The following SRPK2 variants were observed in gnomAD, a reference collection of about 807,000 sequenced individuals.
The protein encoded by SRPK2 is SFRS protein kinase 2.
A neutral mutation model predicts 90.8 loss-of-function variants in SRPK2; 21 were observed. The observed-to-expected ratio is 0.23, with a 90% CI of 0.16 to 0.33. SRPK2 has a LOEUF of 0.33. Among genes scored for constraint, SRPK2 ranks in the 10% least tolerant of loss-of-function variants. The pLI, the probability that SRPK2 is intolerant of heterozygous loss-of-function variation, is 1.00. For synonymous variants in SRPK2, 288 were observed against 311.1 expected, an observed-to-expected ratio of 0.93 and a Z score of 0.78; for missense variants, 620 against 869.0, an observed-to-expected ratio of 0.71 and a Z score of 3.60.
At position 105,387,595 on chromosome 7, in the gene SRPK2, A is replaced by G. The variant is rs374909203; in HGVS notation, c.71+1053T>C. 8.1e-4 allele frequency among the ~76,000 whole-genome samples: 123 copies of G among 151,992 alleles called. 2 individuals are homozygous for G. The South Asian group carries it at 0.025, about 31-fold the overall frequency. ...ACCAAGGCCAACGAGAAGGGGAAAA[A>G]AGTGAGCGTGCTGCGACGTACCCCT... is the stretch of plus-strand genomic sequence containing the variant. On this transcript the variant is annotated intron_variant, in intron 2 of 15. Coordinates refer to ENST00000393651, the MANE Select transcript of SRPK2 (RefSeq NM_182692.3).
chr7:105,199,021 G>A (rs1317652157), intron 3 of SRPK2, among the ~76,000 whole-genome samples: 1 of 152,144 alleles, frequency 6.6e-6, no homozygotes, highest in Non-Finnish European at 1.5e-5. Context: ...AAGTACACAA[G>A]AGCAATGAAC....
At chr7:105,228,546 C>T (rs1204234603) in intron 2 of SRPK2, among the ~76,000 whole-genome samples, 3 of 152,138 alleles carry the variant, frequency 2.0e-5, no homozygotes, top group Admixed American at 2.0e-4. Context: ...TGGAGACGGG[C>T]GCAGTGGCTC....
intron 4 of SRPK2, 133 bp from the exon 5 acceptor site, chr7:105,168,228 G>C (rs1033764970): frequency 3.0e-6 from 2 of 662,654 alleles, no homozygotes; most frequent in Admixed American, 6.0e-5. Context: ...CATTATGAGT[G>C]TGTCAACACG....
At chr7:105,267,362 T>C (rs1585443170) in intron 2 of SRPK2, among the ~76,000 whole-genome samples, 1 of 152,190 alleles carries the variant, frequency 6.6e-6, no homozygotes, top group African/African-American at 2.4e-5. Context: ...GTGCTCTTCC[T>C]AGTACCAAAC....
intron 2 of SRPK2, among the ~76,000 whole-genome samples, chr7:105,219,572 A>G (rs1420664596): frequency 1.3e-5 from 2 of 152,232 alleles, no homozygotes; most frequent in African/African-American, 4.8e-5. Flanking sequence ...TTTACTAAGT[A>G]TGACGTTAGC....
intron 2 of SRPK2, among the ~76,000 whole-genome samples, chr7:105,384,060 G>C (rs374194976): frequency 6.6e-6 from 1 of 151,996 alleles, no homozygotes; most frequent in African/African-American, 2.4e-5. Context: ...TTAATGAATA[G>C]ACTAAAAATC....
intron 2 of SRPK2, among the ~76,000 whole-genome samples, chr7:105,286,797 G>C (rs1006828540): frequency 5.9e-5 from 9 of 152,140 alleles, no homozygotes; most frequent in African/African-American, 2.2e-4. Context: ...AAGAATGCTG[G>C]CTATGTATGC....
At chr7:105,150,472 T>C (rs767125518) in intron 7 of SRPK2, among the ~76,000 whole-genome samples, 1 of 152,154 alleles carries the variant, frequency 6.6e-6, no homozygotes, top group Non-Finnish European at 1.5e-5. Context: ...GCTGAGATCA[T>C]GGCACTGCAC....
At chr7:105,311,310 G>C (rs1419865864) in intron 2 of SRPK2, among the ~76,000 whole-genome samples, 1 of 152,062 alleles carries the variant, frequency 6.6e-6, no homozygotes, top group Non-Finnish European at 1.5e-5. Flanking sequence ...TGGACTTACT[G>C]CAACTTCCAC....
At position 105,298,885 on chromosome 7, in the gene SRPK2, G is replaced by A. The variant is rs939862312; in HGVS notation, c.71+89763C>T. 37 of 682,954 alleles carry A rather than the reference G, an allele frequency of 5.4e-5. No homozygotes were observed. In the African/African-American group the frequency reaches 6.0e-4, roughly 11 times the overall value. 42.3% of individuals were successfully genotyped at this position (682,954 alleles called of 1,614,324 possible). A position where few individuals can be genotyped will look rare whatever the true frequency, so the allele number is the denominator to read the frequency against. On this transcript the variant is annotated intron_variant, in intron 2 of 15. Transcript: ENST00000393651. ...TTCCAGGGAGACAATGTAGGCCAAC[G>A]CCTCATACTCTGTTCAGCTCAGTTA...
chr7:105,293,566 C>G (rs546007249), intron 2 of SRPK2, among the ~76,000 whole-genome samples: 1 of 150,660 alleles, frequency 6.6e-6, no homozygotes, highest in Non-Finnish European at 1.5e-5. Flanking sequence ...ACTACAGGAA[C>G]CCACCATCAC....
intron 2 of SRPK2, among the ~76,000 whole-genome samples, chr7:105,310,386 T>C (rs1192990816): frequency 6.6e-6 from 1 of 152,176 alleles, no homozygotes; most frequent in Non-Finnish European, 1.5e-5. Flanking sequence ...ATATTAAATG[T>C]AAAAAATATG....
At chr7:105,116,316 A>C (rs977157419), downstream of SRPK2, 2 of 152,274 alleles carry the variant, frequency 1.3e-5, no homozygotes, top group Non-Finnish European at 2.9e-5. Flanking sequence ...TAGTGACACT[A>C]CTCTGATAGC....
intron 2 of SRPK2, among the ~76,000 whole-genome samples, chr7:105,372,691 A>C (rs551314913): frequency 6.6e-6 from 1 of 152,234 alleles, no homozygotes; most frequent in Non-Finnish European, 1.5e-5. Context: ...CTATAAGCTT[A>C]AGAATCTGGC....
chr7:105,389,923 C>T (rs983859546), upstream of SRPK2, among the ~76,000 whole-genome samples: 1 of 152,120 alleles, frequency 6.6e-6, no homozygotes, highest in Admixed American at 6.6e-5. Flanking sequence ...TAAATCAGAA[C>T]GGGAAACTCT....
At chr7:105,384,703 G>A (rs1486096733) in intron 2 of SRPK2, among the ~76,000 whole-genome samples, 1 of 152,084 alleles carries the variant, frequency 6.6e-6, no homozygotes, top group Non-Finnish European at 1.5e-5. Flanking sequence ...TAACCTGTCA[G>A]AGCTGTCTGT....
chr7:105,158,379 A>G (rs768037015), intron 7 of SRPK2, among the ~76,000 whole-genome samples: 2 of 151,934 alleles, frequency 1.3e-5, no homozygotes, highest in Non-Finnish European at 1.5e-5. Flanking sequence ...CTCAGCTGGC[A>G]GAGTAGCTGG....
chr7:105,222,264 G>C (rs1158489119), intron 2 of SRPK2, among the ~76,000 whole-genome samples: 1 of 152,202 alleles, frequency 6.6e-6, no homozygotes, highest in East Asian at 1.9e-4. Flanking sequence ...CTAAACACCA[G>C]GAAGAATCTT....
intron 3 of SRPK2, among the ~76,000 whole-genome samples, chr7:105,194,090 T>C (rs1437351553): frequency 6.6e-6 from 1 of 152,208 alleles, no homozygotes; most frequent in Non-Finnish European, 1.5e-5. Context: ...CAGTTTTTAA[T>C]TTTGATTAAG....
Sources: gnomAD v4.1 joint callset for allele counts (sites outside exome capture counted in the v4.1 genomes callset) on GRCh38, gnomAD v4.1.1 for gene constraint, MANE v1.5 for transcripts, NCBI Gene and HGNC (gene_info 2026-07-23, HGNC 2026-07-21) for gene names.